Variants in BORCS5 observed in about 807,000 individuals in gnomAD.
The protein encoded by BORCS5 is BLOC-1-related complex subunit 5.
In BORCS5, 17 loss-of-function variants were observed where a neutral mutation model predicts 22.1. The observed-to-expected ratio is 0.77, with a 90% CI of 0.53 to 1.15. The LOEUF is 1.15. Among genes scored for constraint, BORCS5 ranks in the 50% most tolerant of loss-of-function variants. The pLI is 0.00. For missense variants in BORCS5, 247 were observed against 253.2 expected (o/e 0.98, Z 0.17); for synonymous variants, 117 against 99.8 (o/e 1.17, Z -1.03).
intron 2 of BORCS5, among the ~76,000 whole-genome samples, chr12:12,365,143 A>G (rs1455931600): frequency 6.6e-6 from 1 of 152,128 alleles, no homozygotes; most frequent in Non-Finnish European, 1.5e-5. Context: ...TATTAAGAAC[A>G]TTGAGAATAG....
intron 2 of BORCS5, among the ~76,000 whole-genome samples, chr12:12,377,965 T>C (rs1479606839): frequency 6.6e-6 from 1 of 152,186 alleles, no homozygotes; most frequent in Non-Finnish European, 1.5e-5. Context: ...TGAAGGATAT[T>C]GGTGTGGGAA....
intron 2 of BORCS5, among the ~76,000 whole-genome samples, chr12:12,385,157 A>G (rs1364170179): frequency 6.6e-6 from 1 of 151,404 alleles, no homozygotes; most frequent in Non-Finnish European, 1.5e-5. Context: ...ACACACCCTC[A>G]GTGTCAGCTA....
intron 2 of BORCS5, among the ~76,000 whole-genome samples, chr12:12,430,830 A>G (rs1278648336): frequency 1.3e-5 from 2 of 152,174 alleles, no homozygotes. Flanking sequence ...CAATGATAGC[A>G]CACTCTATGC....
intron 2 of BORCS5, among the ~76,000 whole-genome samples, chr12:12,414,422 C>T (rs1420215730): frequency 9.5e-6 from 1 of 105,436 alleles, no homozygotes; most frequent in Non-Finnish European, 2.1e-5. Flanking sequence ...GGCGGCTGGC[C>T]GGGCGGGGGG....
At chr12:12,399,307 GA>G (rs200122750) in intron 2 of BORCS5, among the ~76,000 whole-genome samples, 8 of 150,376 alleles carry the variant, frequency 5.3e-5, no homozygotes, top group South Asian at 2.1e-4. Context: ...TGGAGGGAAG[GA>G]AAAAAAAAGG....
chr12:12,385,396 G>C (rs1308859067), intron 2 of BORCS5, among the ~76,000 whole-genome samples: 1 of 151,470 alleles, frequency 6.6e-6, no homozygotes, highest in African/African-American at 2.4e-5. Flanking sequence ...AAGCAGGAAA[G>C]CTTCCTGTTC....
At chr12:12,379,780 T>A (rs576757052) in intron 2 of BORCS5, among the ~76,000 whole-genome samples, 2 of 151,600 alleles carry the variant, frequency 1.3e-5, no homozygotes, top group South Asian at 4.2e-4. Context: ...AGGGCTGTTT[T>A]TGCCTTTGTG....
At chr12:12,397,135 C>G (rs939923741) in intron 2 of BORCS5, among the ~76,000 whole-genome samples, 1 of 152,136 alleles carries the variant, frequency 6.6e-6, no homozygotes, top group Non-Finnish European at 1.5e-5. Context: ...CTTGTTCCTT[C>G]TCTAGTTTAT....
At chr12:12,381,640 A>G (rs568196500) in intron 2 of BORCS5, among the ~76,000 whole-genome samples, 8 of 151,540 alleles carry the variant, frequency 5.3e-5, no homozygotes, top group Non-Finnish European at 8.9e-5. Context: ...TTTCTCTTGT[A>G]TTACTGCTTA....
intron 2 of BORCS5, among the ~76,000 whole-genome samples, chr12:12,390,025 C>T (rs1350672732): frequency 6.6e-6 from 1 of 152,088 alleles, no homozygotes. Context: ...TCTTTGCTTT[C>T]CCACCTCTAA....
chr12:12,465,765 C>T lies in BORCS5; in HGVS notation c.580C>T (p.Leu194Phe). 2 of 1,612,496 alleles carry T rather than the reference C, an allele frequency of 1.2e-6. No individual in the cohort carries two copies. Among genetic ancestry groups the T allele is most frequent in the Non-Finnish European group, 1.7e-6 (2 of 1,179,628 alleles). Residue 194 changes from leucine to phenylalanine, a missense_variant, in exon 4 of 4, where the codon CTC becomes TTC. By Grantham distance (22) the Leu-to-Phe change is conservative. Coordinates refer to ENST00000314565, the MANE Select transcript of BORCS5 (RefSeq NM_058169.6). ...CTTCAGCATGAAGCCCGACCGCGAG[C>T]TCAGGCTGTAGCTGCTGCCCGGCCT... ...EPFSMKPDRELRL is the reference protein window; with the variant it reads ...EPFSMKPDREFRL
chr12:12,423,713 G>C (rs1332558517), intron 2 of BORCS5, among the ~76,000 whole-genome samples: 1 of 115,432 alleles, frequency 8.7e-6, no homozygotes, highest in Non-Finnish European at 1.9e-5. Context: ...TTTTGAGACA[G>C]AGTCTCAGTC....
rs1331826476 is a variant in BORCS5 at position 12,361,249 on chromosome 12, T to C, written c.102T>C (p.Ile34=). 11 of 1,614,154 alleles carry C rather than the reference T, an allele frequency of 6.8e-6. No individual in the cohort carries two copies. The highest frequency in any genetic ancestry group is 1.3e-5 in the African/African-American group (1 of 75,046). ...AGCATAGAGCCAAGATGGATGATAT[T>C]GTGGTTGTAGCTCAGGGCTCCCAGG... ...PAKHRAKMDD[I]VVVAQGSQAS... Residue 34 remains isoleucine, a synonymous_variant, in exon 2 of 4, where the codon ATT becomes ATC. Transcript: ENST00000314565.
intron 2 of BORCS5, among the ~76,000 whole-genome samples, chr12:12,417,605 GT>G (rs1422970388): frequency 6.6e-6 from 1 of 152,012 alleles, no homozygotes; most frequent in African/African-American, 2.4e-5. Context: ...TTTTGTCAGT[GT>G]TTGCTTGACA....
chr12:12,387,032 T>C (rs1565854135), intron 2 of BORCS5, among the ~76,000 whole-genome samples: 2 of 150,988 alleles, frequency 1.3e-5, no homozygotes, highest in Admixed American at 6.6e-5. Flanking sequence ...CCCAGCTAAT[T>C]AAAAAAAATA....
chr12:12,375,201 C>T (rs1863622106), intron 2 of BORCS5, among the ~76,000 whole-genome samples: 1 of 152,042 alleles, frequency 6.6e-6, no homozygotes. Flanking sequence ...TTTATAGAGA[C>T]AATGTTTTAC....
intron 3 of BORCS5, among the ~76,000 whole-genome samples, chr12:12,456,170 A>G (rs1942995288): frequency 1.3e-5 from 2 of 152,248 alleles, no homozygotes; most frequent in African/African-American, 4.8e-5. Context: ...GTGGTAGATC[A>G]TGCCTGTAAT....
At chr12:12,445,515 T>C (rs940200484) in intron 3 of BORCS5, among the ~76,000 whole-genome samples, 5 of 105,782 alleles carry the variant, frequency 4.7e-5, no homozygotes, top group African/African-American at 1.1e-4. Context: ...TTTTTTTTTT[T>C]CAATTTGAAA....
intron 2 of BORCS5, among the ~76,000 whole-genome samples, chr12:12,424,213 G>C (rs1942221450): frequency 6.6e-6 from 1 of 151,994 alleles, no homozygotes; most frequent in Admixed American, 6.6e-5. Flanking sequence ...CAATCCCTTA[G>C]ATCAGTTCAC....
Sources: gnomAD v4.1 joint callset for allele counts (sites outside exome capture counted in the v4.1 genomes callset) on GRCh38, gnomAD v4.1.1 for gene constraint, MANE v1.5 for transcripts, NCBI Gene and HGNC (gene_info 2026-07-23, HGNC 2026-07-21) for gene names.